Variants in LPAR1 observed in about 807,000 individuals in gnomAD.
The protein encoded by LPAR1 is lysophosphatidic acid receptor 1.
Under a neutral mutation model 23.8 loss-of-function variants are expected in LPAR1, and 5 were observed. The ratio of observed to expected loss-of-function variants is 0.21; its 90% CI spans 0.11 to 0.44. The LOEUF is 0.44. Among genes scored for constraint, LPAR1 ranks in the 20% least tolerant of loss-of-function variants. The pLI is 0.99. For missense variants in LPAR1, 311 were observed against 482.8 expected (o/e 0.64, Z 3.33); for synonymous variants, 160 against 164.7 (o/e 0.97, Z 0.22).
chr9:110,990,224 T>C (rs140853752), intron 2 of LPAR1, among the ~76,000 whole-genome samples: 1 of 152,196 alleles, frequency 6.6e-6, no homozygotes, highest in East Asian at 1.9e-4. Context: ...ATAAGAGACA[T>C]GAACAATACA....
At chr9:110,990,786 T>G (rs555351594) in intron 2 of LPAR1, among the ~76,000 whole-genome samples, 1 of 152,224 alleles carries the variant, frequency 6.6e-6, no homozygotes, top group South Asian at 2.1e-4. Context: ...CAAAAGATGT[T>G]TCTTTAAGAA....
chr9:110,905,864 C>T (rs1032585509), intron 5 of LPAR1, among the ~76,000 whole-genome samples: 2 of 152,114 alleles, frequency 1.3e-5, no homozygotes, highest in Non-Finnish European at 2.9e-5. Flanking sequence ...TTGCTGGCTG[C>T]GTGTCCTGGC....
intron 5 of LPAR1, among the ~76,000 whole-genome samples, chr9:110,939,439 T>C (rs2094944488): frequency 6.6e-6 from 1 of 152,230 alleles, no homozygotes; most frequent in South Asian, 2.1e-4. Context: ...TTCTTCCATC[T>C]CACAGCTTTA....
intron 5 of LPAR1, among the ~76,000 whole-genome samples, chr9:110,913,783 G>T (rs2092745488): frequency 6.6e-6 from 1 of 152,150 alleles, no homozygotes; most frequent in African/African-American, 2.4e-5. Flanking sequence ...TCCTTCTTAG[G>T]CAGTGGGGAT....
At chr9:110,988,543 T>C (rs1260925496) in intron 2 of LPAR1, among the ~76,000 whole-genome samples, 2 of 152,022 alleles carry the variant, frequency 1.3e-5, no homozygotes, top group Non-Finnish European at 2.9e-5. Context: ...AACAAGAATA[T>C]GAAAAGACAC....
Position 110,932,702 on chromosome 9 carries a change from T to C in LPAR1, c.793+8719A>G, listed in dbSNP as rs78723872. On this transcript the variant is annotated intron_variant, in intron 5 of 5. Coordinates refer to ENST00000683809, the MANE Select transcript of LPAR1 (RefSeq NM_001351411.2). ...GATCAGTGGCGGCATTAGATTCTCA[T>C]AGGAGTGTGAACCCTATTGTGATCT... Among the ~76,000 whole-genome samples, 970 of 152,338 alleles carry C rather than the reference T, an allele frequency of 6.4e-3. 13 individuals carry two copies. The highest frequency in any genetic ancestry group is 0.022 in the African/African-American group (902 of 41,584).
chr9:111,008,002 C>T (rs2097254896), intron 2 of LPAR1, among the ~76,000 whole-genome samples: 1 of 151,898 alleles, frequency 6.6e-6, no homozygotes, highest in Admixed American at 6.6e-5. Context: ...GGTGAAACCC[C>T]ATCTCTACTA....
chr9:110,978,850 T>C (rs934267472), intron 2 of LPAR1, among the ~76,000 whole-genome samples: 1 of 152,152 alleles, frequency 6.6e-6, no homozygotes, highest in Non-Finnish European at 1.5e-5. Context: ...AAAGTGGTAA[T>C]TCAAAATCTA....
intron 5 of LPAR1, among the ~76,000 whole-genome samples, chr9:110,895,129 G>A (rs2085870096): frequency 6.6e-6 from 1 of 152,170 alleles, no homozygotes; most frequent in African/African-American, 2.4e-5. Flanking sequence ...AAGTTTAAAT[G>A]GTCCTTTATT....
intron 5 of LPAR1, among the ~76,000 whole-genome samples, chr9:110,895,672 G>C (rs1269765615): frequency 3.3e-5 from 5 of 152,162 alleles, no homozygotes; most frequent in African/African-American, 1.2e-4. Context: ...GCACTGACTG[G>C]GGGGTGTTCG....
chr9:110,901,622 C>T (rs992485170), intron 5 of LPAR1, among the ~76,000 whole-genome samples: 1 of 152,068 alleles, frequency 6.6e-6, no homozygotes, highest in African/African-American at 2.4e-5. Flanking sequence ...ATGGGAAAGA[C>T]CCACCTCCAT....
At chr9:111,000,613 G>T (rs1320146549) in intron 2 of LPAR1, among the ~76,000 whole-genome samples, 1 of 152,186 alleles carries the variant, frequency 6.6e-6, no homozygotes, top group Non-Finnish European at 1.5e-5. Context: ...TAGCCCAAAA[G>T]AATAAGCCTT....
intron 4 of LPAR1, among the ~76,000 whole-genome samples, chr9:110,957,656 C>T (rs1309202953): frequency 2.0e-5 from 3 of 152,078 alleles, no homozygotes; most frequent in Non-Finnish European, 2.9e-5. Flanking sequence ...AGCTGAAAGC[C>T]TTTCTTCTAA....
intron 4 of LPAR1, 90 bp downstream of exon 4, chr9:110,971,983 C>A: frequency 9.3e-7 from 1 of 1,079,158 alleles, no homozygotes; most frequent in South Asian, 1.3e-5. Context: ...TATACATGAT[C>A]CCTAGAGTCA....
chr9:110,925,856 G>A (rs1403178185), intron 5 of LPAR1, among the ~76,000 whole-genome samples: 1 of 152,192 alleles, frequency 6.6e-6, no homozygotes, highest in Non-Finnish European at 1.5e-5. Flanking sequence ...GGGAATAGAA[G>A]CTCAGAAGGG....
At chr9:110,987,851 A>G (rs2096820375) in intron 2 of LPAR1, among the ~76,000 whole-genome samples, 1 of 152,088 alleles carries the variant, frequency 6.6e-6, no homozygotes, top group South Asian at 2.1e-4. Context: ...GAGTGAAAAA[A>G]CAAGGCTAAA....
chr9:110,923,628 C>A (rs1288011322), intron 5 of LPAR1, among the ~76,000 whole-genome samples: 1 of 152,078 alleles, frequency 6.6e-6, no homozygotes, highest in Non-Finnish European at 1.5e-5. Context: ...GAGATGTAAC[C>A]CCACCGCTAA....
intron 2 of LPAR1, among the ~76,000 whole-genome samples, chr9:110,985,600 C>T (rs2096764280): frequency 6.6e-6 from 1 of 151,910 alleles, no homozygotes; most frequent in Admixed American, 6.6e-5. Flanking sequence ...AGAAACTGGC[C>T]AAAACTTATA....
intron 5 of LPAR1, among the ~76,000 whole-genome samples, chr9:110,890,975 G>T (rs868606171): frequency 3.9e-5 from 6 of 152,094 alleles, no homozygotes; most frequent in Non-Finnish European, 8.8e-5. Flanking sequence ...GAAACCAACA[G>T]AAATCTTATT....
Sources: gnomAD v4.1 joint callset for allele counts (sites outside exome capture counted in the v4.1 genomes callset) on GRCh38, gnomAD v4.1.1 for gene constraint, MANE v1.5 for transcripts, NCBI Gene and HGNC (gene_info 2026-07-23, HGNC 2026-07-21) for gene names.